RALA: variants seen among roughly 807,000 people sequenced by gnomAD.
RALA encodes ras-related protein Ral-A.
A neutral mutation model predicts 24.0 loss-of-function variants in RALA; 5 were observed. The ratio of observed to expected loss-of-function variants is 0.21; its 90% CI spans 0.11 to 0.44. RALA has a LOEUF of 0.44. Ranked by LOEUF, RALA falls within the 20% of genes least tolerant of loss-of-function variation. The probability of loss-of-function intolerance (pLI) is 0.99; values close to 1 mark genes in which losing one functional copy is unlikely to be tolerated. For synonymous variants in RALA, 77 were observed against 83.8 expected, an observed-to-expected ratio of 0.92 and a Z score of 0.44; for missense variants, 95 against 241.2, an observed-to-expected ratio of 0.39 and a Z score of 4.01.
At chr7:39,660,298 A>G (rs1792165613) in intron 1 of RALA, among the ~76,000 whole-genome samples, 1 of 151,816 alleles carries the variant, frequency 6.6e-6, no homozygotes, top group Non-Finnish European at 1.5e-5. Context: ...GTGAGCCAAG[A>G]TCACACCACT....
At chr7:39,650,630 G>T (rs1298988863) in intron 1 of RALA, among the ~76,000 whole-genome samples, 2 of 152,216 alleles carry the variant, frequency 1.3e-5, no homozygotes, top group Non-Finnish European at 1.5e-5. Flanking sequence ...CTTGGAAGGG[G>T]CCCTAGTCTC....
chr7:39,693,412 C>T (rs1356466188), intron 3 of RALA, among the ~76,000 whole-genome samples: 1 of 151,678 alleles, frequency 6.6e-6, no homozygotes, highest in Non-Finnish European at 1.5e-5. Context: ...ACACTGGGGC[C>T]TATCGTGGGG....
intron 1 of RALA, among the ~76,000 whole-genome samples, chr7:39,633,215 G>A (rs531701149): frequency 6.6e-6 from 1 of 152,314 alleles, no homozygotes; most frequent in African/African-American, 2.4e-5. Flanking sequence ...CATATAGCAA[G>A]GTAAATGTTA....
intron 1 of RALA, among the ~76,000 whole-genome samples, chr7:39,663,851 G>A (rs2158550): frequency 0.93 from 141,979 of 152,236 alleles, 66,360 homozygotes; most frequent in African/African-American, 0.98. Flanking sequence ...AGAAAAAGCA[G>A]TGTCATTATA....
At chr7:39,624,295 GTTT>G (rs1791437823) in intron 1 of RALA, 1 of 130,334 alleles carries the variant, frequency 7.7e-6, no homozygotes, top group Admixed American at 7.9e-5. Flanking sequence ...TTGTTTGTTT[GTTT>G]TGTTTGTTTG....
intron 1 of RALA, among the ~76,000 whole-genome samples, chr7:39,683,244 C>T (rs1792637351): frequency 6.6e-6 from 1 of 152,190 alleles, no homozygotes; most frequent in Non-Finnish European, 1.5e-5. Flanking sequence ...CACTAGGCTT[C>T]ATGTACTCTG....
chr7:39,643,642 G>A (rs1000981733), intron 1 of RALA, among the ~76,000 whole-genome samples: 14 of 152,006 alleles, frequency 9.2e-5, no homozygotes, highest in African/African-American at 2.9e-4. Flanking sequence ...GATCACTTGA[G>A]GTCAGGAGTT....
intron 1 of RALA, among the ~76,000 whole-genome samples, chr7:39,678,208 A>G (rs2116043707): frequency 6.6e-6 from 1 of 152,218 alleles, no homozygotes; most frequent in East Asian, 1.9e-4. Flanking sequence ...AAAAAAAAAA[A>G]AGATTCATTT....
At chr7:39,674,058 TA>T (rs1300114040) in intron 1 of RALA, among the ~76,000 whole-genome samples, 6 of 119,440 alleles carry the variant, frequency 5.0e-5, no homozygotes, top group African/African-American at 1.7e-4. Context: ...AATAAATAAA[TA>T]AATAAATAAA....
At chr7:39,705,854 G>A (rs188129599) in intron 4 of RALA, among the ~76,000 whole-genome samples, 1 of 151,800 alleles carries the variant, frequency 6.6e-6, no homozygotes, top group African/African-American at 2.4e-5. Context: ...TTAGACTTTT[G>A]TCTCGAAAAC....
chr7:39,645,442 G>A (rs941214128), intron 1 of RALA, among the ~76,000 whole-genome samples: 4 of 152,140 alleles, frequency 2.6e-5, no homozygotes, highest in African/African-American at 9.7e-5. Flanking sequence ...GACAATTATG[G>A]CCTCATAAAT....
intron 1 of RALA, among the ~76,000 whole-genome samples, chr7:39,639,833 C>G (rs181089198): frequency 1.8e-4 from 27 of 152,232 alleles, no homozygotes; most frequent in African/African-American, 6.3e-4. Flanking sequence ...TGCCCTCATG[C>G]ACACACGCAC....
chr7:39,682,179 G>A (rs1562621117), intron 1 of RALA, among the ~76,000 whole-genome samples: 1 of 152,332 alleles, frequency 6.6e-6, no homozygotes, highest in East Asian at 1.9e-4. Flanking sequence ...CTGAAATGTA[G>A]TACTCAGCTG....
chr7:39,686,515 T>C (rs1792706721), intron 1 of RALA, 116 bp from the exon 2 acceptor site: 1 of 587,694 alleles, frequency 1.7e-6, no homozygotes, highest in African/African-American at 1.9e-5. Flanking sequence ...GCCATCTGTT[T>C]AAAATCACTA....
Position 39,629,884 on chromosome 7 carries a change from C to T in RALA, c.-38+6059C>T, listed in dbSNP as rs925268121. On this transcript the variant is annotated intron_variant, in intron 1 of 4. Transcript: ENST00000005257. ...TGTTGGGATTACAGGCATGAGCCAC[C>T]GTGCCTGACCCTAATTTTGTATTTT... Among the ~76,000 whole-genome samples, 18 of 152,084 alleles carry T rather than the reference C, an allele frequency of 1.2e-4. 1 individual carries two copies. The highest frequency in any genetic ancestry group is 2.2e-4 in the Non-Finnish European group (15 of 68,006).
chr7:39,624,150 G>C (rs1004077230), intron 1 of RALA: 1 of 152,422 alleles, frequency 6.6e-6, no homozygotes, highest in African/African-American at 2.4e-5. Context: ...CGCCCGGGCG[G>C]TGCCCGCGAC....
intron 1 of RALA, among the ~76,000 whole-genome samples, chr7:39,629,741 G>A (rs543378092): frequency 4.6e-5 from 7 of 152,272 alleles, no homozygotes; most frequent in South Asian, 4.1e-4. Context: ...GACTACAGGC[G>A]CGTGCCACCA....
chr7:39,669,917 G>A (rs1341788433), intron 1 of RALA, among the ~76,000 whole-genome samples: 1 of 151,426 alleles, frequency 6.6e-6, no homozygotes, highest in African/African-American at 2.4e-5. Context: ...TTTTTAAACT[G>A]GATCATTCAG....
intron 1 of RALA, among the ~76,000 whole-genome samples, chr7:39,675,447 T>C (rs1456391843): frequency 1.3e-5 from 2 of 152,222 alleles, no homozygotes; most frequent in South Asian, 2.1e-4. Context: ...TAGGAAAATA[T>C]ACTTGTGGGC....
Sources: gnomAD v4.1 joint callset for allele counts (sites outside exome capture counted in the v4.1 genomes callset) on GRCh38, gnomAD v4.1.1 for gene constraint, MANE v1.5 for transcripts, NCBI Gene and HGNC (gene_info 2026-07-23, HGNC 2026-07-21) for gene names.